The following NRXN3 variants were observed in gnomAD, a reference collection of about 807,000 sequenced individuals.
The protein encoded by NRXN3 is neurexin 3.
NRXN3 carries 32 observed loss-of-function variants against 137.6 expected under a neutral mutation model. That is an observed-to-expected ratio of 0.23 (90% CI 0.18 to 0.31). NRXN3 has a LOEUF of 0.31. NRXN3 is among the 10% of genes least tolerant of loss of function. NRXN3 has a pLI of 1.00. For missense variants in NRXN3, 1,574 were observed against 2,062.5 expected, an observed-to-expected ratio of 0.76 and a Z score of 4.59; for synonymous variants, 798 against 784.5, an observed-to-expected ratio of 1.02 and a Z score of -0.29.
intron 4 of NRXN3, among the ~76,000 whole-genome samples, chr14:78,543,539 A>G (rs1278993877): frequency 1.3e-5 from 2 of 152,026 alleles, no homozygotes; most frequent in African/African-American, 4.8e-5. Flanking sequence ...TTAAATAAGC[A>G]TAGCATCTCT....
intron 20 of NRXN3, among the ~76,000 whole-genome samples, chr14:79,852,584 CTTTTTA>C (rs986641405): frequency 2.6e-5 from 4 of 151,970 alleles, no homozygotes; most frequent in Non-Finnish European, 5.9e-5. Context: ...ACTGCACGCC[CTTTTTA>C]TTTTTTCAAA....
chr14:79,158,656 G>T (rs2060477873), intron 15 of NRXN3, among the ~76,000 whole-genome samples: 1 of 151,742 alleles, frequency 6.6e-6, no homozygotes, highest in Non-Finnish European at 1.5e-5. Flanking sequence ...ATTTCAGAAA[G>T]TTGTAGATAA....
intron 4 of NRXN3, among the ~76,000 whole-genome samples, chr14:78,435,674 A>G (rs1171477351): frequency 6.6e-6 from 1 of 152,208 alleles, no homozygotes; most frequent in Non-Finnish European, 1.5e-5. Context: ...TACTTAGTGA[A>G]ACATTTTCAT....
At chr14:78,767,337 A>G (rs1038172952) in intron 8 of NRXN3, among the ~76,000 whole-genome samples, 9 of 152,210 alleles carry the variant, frequency 5.9e-5, no homozygotes, top group South Asian at 2.1e-4. Context: ...ATACATTTAC[A>G]TTTATATTTA....
chr14:79,830,402 CTT>C (rs1568389385), intron 20 of NRXN3, among the ~76,000 whole-genome samples: 1 of 152,054 alleles, frequency 6.6e-6, no homozygotes, highest in Admixed American at 6.6e-5. Context: ...ATGGAGGCAC[CTT>C]TTTTTCTGAG....
chr14:78,336,829 C>T (rs899664229), intron 4 of NRXN3, among the ~76,000 whole-genome samples: 2 of 152,104 alleles, frequency 1.3e-5, no homozygotes, highest in Non-Finnish European at 2.9e-5. Context: ...GGCTAGGGGA[C>T]AGCATCCTGT....
chr14:78,776,917 A>G (rs1248814414), intron 8 of NRXN3, among the ~76,000 whole-genome samples: 1 of 152,204 alleles, frequency 6.6e-6, no homozygotes, highest in African/African-American at 2.4e-5. Flanking sequence ...GGGGTAGGGA[A>G]TAAGAATGCA....
intron 15 of NRXN3, among the ~76,000 whole-genome samples, chr14:79,317,734 G>C (rs2089147859): frequency 6.6e-6 from 1 of 152,164 alleles, no homozygotes; most frequent in African/African-American, 2.4e-5. Context: ...AGCATAGAAT[G>C]AAAGTTTTAG....
At chr14:79,382,819 G>A (rs976583881) in intron 15 of NRXN3, among the ~76,000 whole-genome samples, 3 of 152,080 alleles carry the variant, frequency 2.0e-5, no homozygotes, top group Non-Finnish European at 4.4e-5. Context: ...ATTTACAAAT[G>A]AAGAACTGAG....
chr14:79,402,888 A>G (rs1302701253), intron 15 of NRXN3, among the ~76,000 whole-genome samples: 1 of 152,178 alleles, frequency 6.6e-6, no homozygotes, highest in African/African-American at 2.4e-5. Context: ...AAAGACAAAC[A>G]ATTATTTCAG....
At chr14:79,657,409 ACTTTGAAAGATCT>A (rs1436641846) in intron 16 of NRXN3, among the ~76,000 whole-genome samples, 1 of 152,150 alleles carries the variant, frequency 6.6e-6, no homozygotes, top group African/African-American at 2.4e-5. Context: ...GTGATCATGG[ACTTTGAAAGATCT>A]TCAAGCTCTA....
intron 2 of NRXN3, 66 bp from the exon 3 acceptor site, chr14:78,278,579 C>T (rs2073949622): frequency 7.9e-7 from 1 of 1,258,796 alleles, no homozygotes; most frequent in South Asian, 1.3e-5. Context: ...TGCTAACACT[C>T]TTCTTCCTTT....
At chr14:78,240,896 G>A (rs1348226713) in intron 1 of NRXN3, among the ~76,000 whole-genome samples, 1 of 152,120 alleles carries the variant, frequency 6.6e-6, no homozygotes, top group Non-Finnish European at 1.5e-5. Flanking sequence ...TAAAATAGGG[G>A]ATAGTAATGT....
At chr14:79,748,473 C>A (rs1294586708) in intron 19 of NRXN3, among the ~76,000 whole-genome samples, 1 of 152,114 alleles carries the variant, frequency 6.6e-6, no homozygotes, top group Non-Finnish European at 1.5e-5. Context: ...GCCAAGCCAT[C>A]CAGATACTCA....
chr14:79,384,813 T>A (rs1021160688), intron 15 of NRXN3, among the ~76,000 whole-genome samples: 1 of 152,214 alleles, frequency 6.6e-6, no homozygotes, highest in African/African-American at 2.4e-5. Context: ...GTAATAATAG[T>A]TCCACGTTTT....
chr14:78,385,172 A>C (rs1004025869), intron 4 of NRXN3, among the ~76,000 whole-genome samples: 1 of 152,104 alleles, frequency 6.6e-6, no homozygotes, highest in African/African-American at 2.4e-5. Context: ...CACACACACA[A>C]ATAAAAAAAA....
intron 8 of NRXN3, among the ~76,000 whole-genome samples, chr14:78,778,760 CT>C (rs1567285973): frequency 3.3e-3 from 41 of 12,524 alleles, no homozygotes; most frequent in Admixed American, 4.7e-3. Context: ...CCTTCTTTCT[CT>C]TTCTTTCTTT....
At chr14:79,560,192 A>T (rs552604139) in intron 16 of NRXN3, among the ~76,000 whole-genome samples, 3 of 152,260 alleles carry the variant, frequency 2.0e-5, no homozygotes, top group Admixed American at 6.5e-5. Flanking sequence ...ATGCCTTTTC[A>T]TGTGAAAATT....
At chr14:79,718,286 G>A (rs2098830515) in intron 19 of NRXN3, among the ~76,000 whole-genome samples, 1 of 152,148 alleles carries the variant, frequency 6.6e-6, no homozygotes, top group African/African-American at 2.4e-5. Context: ...GGAACATGTT[G>A]AGCAGTGTTT....
Sources: allele counts gnomAD v4.1 joint callset (sites outside exome capture counted in the v4.1 genomes callset), GRCh38; gene constraint gnomAD v4.1.1; transcripts MANE v1.5; gene names NCBI Gene and HGNC (gene_info 2026-07-23, HGNC 2026-07-21).